Variants in CASZ1 observed in about 807,000 individuals in gnomAD.
The protein encoded by CASZ1 is castor zinc finger 1.
A neutral mutation model predicts 135.2 loss-of-function variants in CASZ1; 28 were observed. The observed-to-expected ratio is 0.21, with a 90% CI of 0.15 to 0.28. The LOEUF (loss-of-function observed/expected upper bound fraction) is 0.28. Among genes scored for constraint, CASZ1 ranks in the 10% least tolerant of loss-of-function variants. The pLI is 1.00. For missense variants in CASZ1, 2,161 were observed against 2,453.3 expected (o/e 0.88, Z 2.52); for synonymous variants, 1,068 against 1,073.4 (o/e 0.99, Z 0.10).
At chr1:10,745,730 G>C (rs1395976491) in intron 2 of CASZ1, among the ~76,000 whole-genome samples, 2 of 152,194 alleles carry the variant, frequency 1.3e-5, no homozygotes, top group East Asian at 3.9e-4. Flanking sequence ...TCTAAGCCAA[G>C]AGATATCAGA....
At chr1:10,645,976 T>G in intron 17 of CASZ1, 152 bp downstream of exon 17, 1 of 760,330 alleles carries the variant, frequency 1.3e-6, no homozygotes, top group South Asian at 1.7e-5. Flanking sequence ...TAGGGGCAGA[T>G]GGTGCTCTTT....
chr1:10,686,408 G>A (rs1428144293), intron 4 of CASZ1, among the ~76,000 whole-genome samples: 1 of 152,312 alleles, frequency 6.6e-6, no homozygotes, highest in Non-Finnish European at 1.5e-5. Context: ...GGGCAGCCCT[G>A]GGGGGGCTTG....
intron 2 of CASZ1, among the ~76,000 whole-genome samples, chr1:10,729,656 C>T (rs748517021): frequency 6.6e-6 from 1 of 152,208 alleles, no homozygotes; most frequent in Non-Finnish European, 1.5e-5. Context: ...ACAGTTTCTA[C>T]GTGCCCTATT....
Position 10,653,841 on chromosome 1 carries a change from C to G in CASZ1, c.2216G>C (p.Ser739Thr). The G allele has an allele frequency of 6.2e-7, 1 of 1,609,204 alleles. No homozygotes were observed. Among genetic ancestry groups the G allele is most frequent in the Non-Finnish European group, 8.5e-7 (1 of 1,176,742 alleles). ...GGACTGCTGGCTGGTAGGGGAGGCGCTCAGGCTGGAGTTCTTGCTGCTCAG... is the reference window on the plus strand; with the variant it reads ...GGACTGCTGGCTGGTAGGGGAGGCGGTCAGGCTGGAGTTCTTGCTGCTCAG... ...SALSSKNSSL[S>T]ASPTSQQSSA... The change falls in exon 11 of 21, where the codon AGC becomes ACC. Residue 739 changes from serine (S) to threonine (T), a missense_variant. Physicochemically the swap from Ser to Thr is moderately conservative, Grantham distance 58. Coordinates refer to ENST00000377022, the MANE Select transcript of CASZ1 (RefSeq NM_001079843.3).
rs1180747846 is a variant in CASZ1, at chr1:10,699,815, G to A, written c.-24+5677C>T. On this transcript the variant is annotated intron_variant, in intron 3 of 20. Transcript: ENST00000377022. This position sits in a 1 kb window ranked among gnomAD's most constrained non-coding sequence, Gnocchi z 4.6. The stretch of plus-strand genomic sequence containing the variant: ...GTAGGTTTCTCTTATCAGAAGCAGC[G>A]ACGGTTTCACATTAATTTCCCAGTT... Among the ~76,000 whole-genome samples the A allele has an allele frequency of 1.3e-5, 2 of 151,988 alleles. No individual in the cohort carries two copies. The highest frequency in any genetic ancestry group is 2.9e-5 in the Non-Finnish European group (2 of 68,018).
Position 10,659,870 on chromosome 1 carries a change from G to C in CASZ1, c.1172C>G (p.Pro391Arg), listed in dbSNP as rs1174733166. The C allele has an allele frequency of 1.2e-6, 2 of 1,611,412 alleles. No homozygotes were observed. The highest frequency in any genetic ancestry group is 2.2e-5 in the South Asian group (2 of 90,910). ...IQKPGPAKVP[P>R]TPSLAPAPLA... ...GGGTGCGGGAGCCAGGCTGGGGGTG[G>C]GCGGAACCTTGGCGGGGCCTGGCTT... is the stretch of plus-strand genomic sequence containing the variant. Residue 391 changes from proline (P) to arginine (R), a missense_variant, in exon 6 of 21, where the codon CCC becomes CGC. By Grantham distance (103) the Pro-to-Arg change is moderately radical. Coordinates refer to ENST00000377022, the MANE Select transcript of CASZ1 (RefSeq NM_001079843.3).
Position 10,767,833 on chromosome 1 carries a change from G to A in CASZ1, c.-233-6976C>T, listed in dbSNP as rs1570575743. Among the ~76,000 whole-genome samples the A allele has an allele frequency of 6.6e-6, 1 of 152,192 alleles. No individual in the cohort carries two copies. Among genetic ancestry groups the A allele is most frequent in the East Asian group, 1.9e-4 (1 of 5,178 alleles). ...GCCCCGGGGATCACTTCCCTCGCTGGCCCTGTCCACAGCCCTCGGCCCATG... is the reference window on the plus strand; with the variant it reads ...GCCCCGGGGATCACTTCCCTCGCTGACCCTGTCCACAGCCCTCGGCCCATG... On this transcript the variant is annotated intron_variant, in intron 1 of 20. Coordinates refer to ENST00000377022, the MANE Select transcript of CASZ1 (RefSeq NM_001079843.3). The surrounding 1 kb of genome is among the most constrained non-coding windows in gnomAD (Gnocchi z 4.2).
intron 2 of CASZ1, among the ~76,000 whole-genome samples, chr1:10,710,261 C>G (rs925630420): frequency 6.6e-6 from 1 of 152,176 alleles, no homozygotes; most frequent in Non-Finnish European, 1.5e-5. Context: ...GCCTCAAGTC[C>G]TTCATGGGAT....
At chr1:10,683,160 G>A (rs1023443309) in intron 4 of CASZ1, among the ~76,000 whole-genome samples, 6 of 152,170 alleles carry the variant, frequency 3.9e-5, no homozygotes, top group South Asian at 2.1e-4. Context: ...CTCTCTGAGC[G>A]TGCTTTCCTG....
intron 2 of CASZ1, among the ~76,000 whole-genome samples, chr1:10,728,906 C>T (rs1019694195): frequency 2.0e-5 from 3 of 152,126 alleles, no homozygotes; most frequent in Non-Finnish European, 4.4e-5. Flanking sequence ...GCCCTTTGTT[C>T]CACAGGAGCT....
chr1:10,733,454 A>G (rs1164960722), intron 2 of CASZ1, among the ~76,000 whole-genome samples: 1 of 152,148 alleles, frequency 6.6e-6, no homozygotes, highest in Non-Finnish European at 1.5e-5. Context: ...TCCATCCCAC[A>G]CACTTCCCAA....
chr1:10,639,857 G>A lies in CASZ1; in HGVS notation c.4365C>T (p.Thr1455=). 1 of 1,612,100 alleles carries A rather than the reference G, an allele frequency of 6.2e-7. No homozygotes were observed. The highest frequency in any genetic ancestry group is 8.5e-7 in the Non-Finnish European group (1 of 1,179,608). Residue 1455 remains threonine (T), a synonymous_variant, in exon 21 of 21, where the codon ACC becomes ACT. Coordinates refer to ENST00000377022, the MANE Select transcript of CASZ1 (RefSeq NM_001079843.3). This position sits in a 1 kb window ranked among gnomAD's most constrained non-coding sequence, Gnocchi z 4.0. ...DAACQFSLKV[T]HYHCTRENCG... is the part of the protein sequence containing the mutation. ...AGTTCTCGCGCGTGCAGTGGTAGTG[G>A]GTGACCTTGAGCGAGAACTGACAAG...
At chr1:10,692,505 G>T (rs1003370359) in intron 4 of CASZ1, among the ~76,000 whole-genome samples, 59 of 152,312 alleles carry the variant, frequency 3.9e-4, no homozygotes, top group African/African-American at 1.2e-3. Flanking sequence ...AGGGCAGGGA[G>T]GGGCAGGGTG....
At chr1:10,692,593 G>A (rs1207888719) in intron 4 of CASZ1, among the ~76,000 whole-genome samples, 1 of 152,158 alleles carries the variant, frequency 6.6e-6, no homozygotes, top group African/African-American at 2.4e-5. Context: ...GAGGTCCCCA[G>A]GCCCTCCACG....
At chr1:10,692,304 G>C (rs1390311902) in intron 4 of CASZ1, among the ~76,000 whole-genome samples, 1 of 152,238 alleles carries the variant, frequency 6.6e-6, no homozygotes, top group Non-Finnish European at 1.5e-5. Context: ...GGTCCTGTGT[G>C]CTGGCCCACA....
intron 2 of CASZ1, among the ~76,000 whole-genome samples, chr1:10,708,558 C>T (rs1268415127): frequency 9.9e-5 from 15 of 152,194 alleles, no homozygotes. Flanking sequence ...TGCACCTGCC[C>T]AGGTGAGGCC....
At position 10,679,601 on chromosome 1, in the gene CASZ1, ACCC is replaced by A. The variant is rs1638347120; in HGVS notation, c.17-14033_17-14031del. 6.6e-6 allele frequency among the ~76,000 whole-genome samples: 1 copy of A among 150,794 alleles called. No homozygotes were observed. The highest frequency in any genetic ancestry group is 2.4e-5 in the African/African-American group (1 of 40,830). On this transcript the variant is annotated intron_variant, in intron 4 of 20. Coordinates refer to ENST00000377022, the MANE Select transcript of CASZ1 (RefSeq NM_001079843.3). The surrounding 1 kb of genome is among the most constrained non-coding windows in gnomAD (Gnocchi z 4.7). ...CCCAGCCTGCAACAGCTGCACCTCC[ACCC>A]CCAGCCTGGGTCGAGTGGGTGGTGG...
rs776539193 is a variant in CASZ1, at chr1:10,660,311, C to G, written c.731G>C (p.Arg244Pro). The G allele has an allele frequency of 6.2e-7, 1 of 1,614,088 alleles. No individual in the cohort carries two copies. Residue 244 changes from arginine to proline, a missense_variant, in exon 6 of 21, where the codon CGC becomes CCC. Arg to Pro is a moderately radical substitution (Grantham distance 103). Transcript: ENST00000377022. ...GAGCTGCTCGCCAGCCTTGAGCTTG[C>G]GGATGTACTCCTCATACTTAGAGAA... ...ARFSKYEEYIRKLKAGEQLSW... is the reference protein window; with the variant it reads ...ARFSKYEEYIPKLKAGEQLSW...
rs1217616607 is a variant in CASZ1, at chr1:10,706,783, G to C, written c.-76-1239C>G. 1.3e-5 allele frequency among the ~76,000 whole-genome samples: 2 copies of C among 152,128 alleles called. No individual in the cohort carries two copies. Among genetic ancestry groups the C allele is most frequent in the African/African-American group, 2.4e-5 (1 of 41,402 alleles). ...CTCTGGGAGGGCTGAGAGCCCGGTG[G>C]GTTGGTGGTTAGGAAGTGCTGCCCC... is the stretch of plus-strand genomic sequence containing the variant. On this transcript the variant is annotated intron_variant, in intron 2 of 20. Coordinates refer to ENST00000377022, the MANE Select transcript of CASZ1 (RefSeq NM_001079843.3). This position sits in a 1 kb window ranked among gnomAD's most constrained non-coding sequence, Gnocchi z 4.3.
Sources: allele counts gnomAD v4.1 joint callset (sites outside exome capture counted in the v4.1 genomes callset), GRCh38; gene constraint gnomAD v4.1.1; non-coding constraint Gnocchi (gnomAD v3.1); transcripts MANE v1.5; gene names NCBI Gene and HGNC (gene_info 2026-07-23, HGNC 2026-07-21).